The following ACTG2 variants were observed in gnomAD, a reference collection of about 807,000 sequenced individuals.
ACTG2 encodes actin, gamma-enteric smooth muscle.
A neutral mutation model predicts 37.6 loss-of-function variants in ACTG2; 16 were observed. That is an observed-to-expected ratio of 0.43 (90% CI 0.29 to 0.65). ACTG2 has a LOEUF of 0.65. Among genes scored for constraint, ACTG2 ranks in the 30% least tolerant of loss-of-function variants. The pLI is 0.18. For synonymous variants in ACTG2, 181 were observed against 179.9 expected, an observed-to-expected ratio of 1.01 and a Z score of -0.05; for missense variants, 238 against 490.9, an observed-to-expected ratio of 0.48 and a Z score of 4.87.
Position 73,901,329 on chromosome 2 carries a change from C to G in ACTG2, c.18C>G (p.Thr6=). Residue 6 remains threonine (T), a synonymous_variant, in exon 2 of 9, where the codon ACC becomes ACG. Transcript: ENST00000345517. Reference sequence around the variant, plus strand: ...CACACACCATGTGTGAAGAGGAGACCACCGCGCTCGTGTGTGACAATGGCT... The same window carrying G: ...CACACACCATGTGTGAAGAGGAGACGACCGCGCTCGTGTGTGACAATGGCT... MCEEE[T]TALVCDNGSG... 6.2e-7 allele frequency: 1 copy of G among 1,610,046 alleles called. No individual in the cohort carries two copies. The highest frequency in any genetic ancestry group is 8.5e-7 in the Non-Finnish European group (1 of 1,177,470).
intron 1 of ACTG2, among the ~76,000 whole-genome samples, chr2:73,898,654 G>A (rs1039211381): frequency 3.3e-5 from 5 of 151,850 alleles, no homozygotes; most frequent in Non-Finnish European, 7.4e-5. Context: ...TGCCAGCAAG[G>A]GTGGCCCCAA....
intron 3 of ACTG2, chr2:73,908,429 T>G (rs1680058699): frequency 3.4e-6 from 2 of 590,930 alleles, no homozygotes; most frequent in Non-Finnish European, 6.4e-6. Flanking sequence ...GGAGGGAAGG[T>G]CAAATGGAAA....
chr2:73,919,737 C>A lies in ACTG2; in HGVS notation c.*162C>A. On this transcript the variant is annotated 3_prime_UTR_variant, in exon 9 of 9. Transcript: ENST00000345517. ...TTTCACACATTACTTTTAATCCATG[C>A]AATAGTGCTGTAAGGTAGGTGCTAT... is the stretch of plus-strand genomic sequence containing the variant. The A allele has an allele frequency of 2.7e-6, 2 of 738,256 alleles. No homozygotes were observed. Among genetic ancestry groups the A allele is most frequent in the Non-Finnish European group, 4.2e-6 (2 of 478,060 alleles). 45.7% of individuals were successfully genotyped at this position (738,256 alleles called of 1,614,324 possible). A position where few individuals can be genotyped will look rare whatever the true frequency, so the allele number is the denominator to read the frequency against.
intron 3 of ACTG2, among the ~76,000 whole-genome samples, chr2:73,904,275 A>C (rs1679958214): frequency 6.7e-6 from 1 of 149,004 alleles, no homozygotes; most frequent in South Asian, 2.1e-4. Flanking sequence ...AAAAAAAAGA[A>C]AGGAAGGAAG....
chr2:73,906,368 G>T (rs1326549819), intron 3 of ACTG2, among the ~76,000 whole-genome samples: 1 of 152,004 alleles, frequency 6.6e-6, no homozygotes, highest in South Asian at 2.1e-4. Context: ...GGAGAATGCC[G>T]TGAACCCGGG....
At chr2:73,908,499 A>C (rs1000199093) in intron 3 of ACTG2, 174 bp from the exon 4 acceptor site, 1 of 650,642 alleles carries the variant, frequency 1.5e-6, no homozygotes, top group Admixed American at 2.3e-5. Flanking sequence ...CCCTGTTGAG[A>C]AGGAGTATAC....
intron 3 of ACTG2, among the ~76,000 whole-genome samples, chr2:73,904,777 G>GTGTGTATATATATA (rs1427483105): frequency 1.3e-3 from 56 of 42,608 alleles, no homozygotes; most frequent in Non-Finnish European, 1.9e-3. Context: ...GTGTGTGTGT[G>GTGTGTATATATATA]TATATATATA....
chr2:73,902,640 C>G (rs1385412792), intron 3 of ACTG2, 152 bp downstream of exon 3: 5 of 1,552,130 alleles, frequency 3.2e-6, no homozygotes, highest in Admixed American at 2.0e-5. Flanking sequence ...GACCATTTCT[C>G]CAACCTAGGC....
intron 5 of ACTG2, among the ~76,000 whole-genome samples, chr2:73,912,752 T>C (rs1162071643): frequency 6.6e-6 from 1 of 152,224 alleles, no homozygotes; most frequent in Non-Finnish European, 1.5e-5. Flanking sequence ...ACAATTTTGG[T>C]AGTCACACCT....
At chr2:73,900,562 A>C (rs1235162772) in intron 1 of ACTG2, among the ~76,000 whole-genome samples, 1 of 152,106 alleles carries the variant, frequency 6.6e-6, no homozygotes, top group East Asian at 1.9e-4. Context: ...CCCATCATGG[A>C]GTCCCTTCTT....
intron 5 of ACTG2, among the ~76,000 whole-genome samples, chr2:73,911,220 G>T (rs1315296375): frequency 6.6e-6 from 1 of 152,170 alleles, no homozygotes; most frequent in African/African-American, 2.4e-5. Context: ...AGAGCTGGGT[G>T]CAGTGGCTTA....
intron 3 of ACTG2, 154 bp downstream of exon 3, chr2:73,902,642 A>C: frequency 6.4e-7 from 1 of 1,552,138 alleles, no homozygotes; most frequent in South Asian, 1.2e-5. Flanking sequence ...CCATTTCTCC[A>C]ACCTAGGCTG....
chr2:73,910,657 C>T (rs1354874397), intron 5 of ACTG2, among the ~76,000 whole-genome samples: 2 of 121,072 alleles, frequency 1.7e-5, no homozygotes, highest in Non-Finnish European at 3.7e-5. Flanking sequence ...TGCCACCATG[C>T]CTGGCTTATT....
chr2:73,907,983 C>T (rs998141963), intron 3 of ACTG2, among the ~76,000 whole-genome samples: 6 of 152,130 alleles, frequency 3.9e-5, no homozygotes, highest in East Asian at 1.9e-4. Flanking sequence ...CACTCAGCTG[C>T]GGTTTTGAAA....
chr2:73,913,791 G>C (rs1018117146), intron 6 of ACTG2, 145 bp downstream of exon 6: 6 of 673,986 alleles, frequency 8.9e-6, no homozygotes, highest in Non-Finnish European at 1.5e-5. Context: ...CTGGGGCTAG[G>C]CCTCTGGATA....
At chr2:73,914,048 G>T (rs1680200211) in intron 6 of ACTG2, among the ~76,000 whole-genome samples, 1 of 152,138 alleles carries the variant, frequency 6.6e-6, no homozygotes, top group African/African-American at 2.4e-5. Flanking sequence ...GCCTCTCTAG[G>T]TTCTGTAAGA....
intron 7 of ACTG2, among the ~76,000 whole-genome samples, chr2:73,916,118 C>A (rs1284694394): frequency 6.6e-6 from 1 of 152,114 alleles, no homozygotes; most frequent in Non-Finnish European, 1.5e-5. Context: ...TACCTCGCGC[C>A]TGTAATCCCA....
Position 73,902,225 on chromosome 2 carries a change from C to T in ACTG2, c.127-135C>T. ...CACTGGCATCTGCTCCATCCTGTCT[C>T]CTGCTATCCTGTTTCTGGGGGAAGA... is the stretch of plus-strand genomic sequence containing the variant. On this transcript the variant is annotated intron_variant, in intron 2 of 8. Coordinates refer to ENST00000345517, the MANE Select transcript of ACTG2 (RefSeq NM_001615.4). The T allele has an allele frequency of 4.9e-6, 5 of 1,015,626 alleles. No individual in the cohort carries two copies. The South Asian group carries it at 6.6e-5, about 13-fold the overall frequency. The allele number at this position is 1,015,626 out of a possible 1,614,324, so 62.9% of individuals were successfully genotyped here.
At chr2:73,916,456 C>T (rs1214020101) in intron 7 of ACTG2, 128 bp from the exon 8 acceptor site, 4 of 765,420 alleles carry the variant, frequency 5.2e-6, no homozygotes, top group Non-Finnish European at 8.3e-6. Context: ...ATCTTATAAT[C>T]CTTCTGGGAG....
Sources: gnomAD v4.1 joint callset for allele counts (sites outside exome capture counted in the v4.1 genomes callset) on GRCh38, gnomAD v4.1.1 for gene constraint, MANE v1.5 for transcripts, NCBI Gene and HGNC (gene_info 2026-07-23, HGNC 2026-07-21) for gene names.